The following PLCB4 variants were observed in gnomAD, a reference collection of about 807,000 sequenced individuals.
PLCB4 encodes 1-phosphatidylinositol 4,5-bisphosphate phosphodiesterase beta-4.
PLCB4 carries 77 observed loss-of-function variants against 178.8 expected under a neutral mutation model. The ratio of observed to expected loss-of-function variants is 0.43; its 90% CI spans 0.36 to 0.52. The LOEUF is 0.52. Among genes scored for constraint, PLCB4 ranks in the 20% least tolerant of loss-of-function variants. PLCB4 has a pLI of 0.00. For synonymous variants in PLCB4, 496 were observed against 490.8 expected (o/e 1.01, Z -0.14); for missense variants, 1,024 against 1,453.4 (o/e 0.70, Z 4.80).
chr20:9,284,356 A>G (rs2094519169), intron 3 of PLCB4, among the ~76,000 whole-genome samples: 1 of 152,002 alleles, frequency 6.6e-6, no homozygotes, highest in Non-Finnish European at 1.5e-5. Flanking sequence ...TATGAGGTAC[A>G]GGAGGAAGTC....
chr20:9,113,400 C>A (rs2091655625), intron 2 of PLCB4, among the ~76,000 whole-genome samples: 1 of 152,036 alleles, frequency 6.6e-6, no homozygotes, highest in African/African-American at 2.4e-5. Context: ...GCAGAAGTGC[C>A]CGCGGGATGT....
chr20:9,243,370 A>G (rs554941707), intron 3 of PLCB4, among the ~76,000 whole-genome samples: 1 of 152,342 alleles, frequency 6.6e-6, no homozygotes, highest in Admixed American at 6.5e-5. Context: ...AATTTATTTT[A>G]GAAAAAGGCA....
chr20:9,226,450 G>A (rs950381648), intron 3 of PLCB4, among the ~76,000 whole-genome samples: 3 of 152,174 alleles, frequency 2.0e-5, no homozygotes, highest in African/African-American at 4.8e-5. Context: ...TTTTAAATTT[G>A]TCACCTGGCT....
At chr20:9,434,959 T>C (rs1180926452) in intron 28 of PLCB4, among the ~76,000 whole-genome samples, 1 of 152,170 alleles carries the variant, frequency 6.6e-6, no homozygotes, top group Non-Finnish European at 1.5e-5. Flanking sequence ...AATCTTCAAA[T>C]GGCATTAATA....
intron 3 of PLCB4, among the ~76,000 whole-genome samples, chr20:9,285,764 T>C (rs754589320): frequency 2.0e-5 from 3 of 152,024 alleles, no homozygotes; most frequent in Non-Finnish European, 4.4e-5. Context: ...TTCTACTGTC[T>C]GGTAAACAAG....
intron 25 of PLCB4, among the ~76,000 whole-genome samples, chr20:9,414,842 C>T (rs2040131771): frequency 6.6e-6 from 1 of 152,174 alleles, no homozygotes; most frequent in Non-Finnish European, 1.5e-5. Flanking sequence ...TTTAGACTTT[C>T]ATAGGAAAGT....
chr20:9,354,274 C>T (rs1283467047), intron 7 of PLCB4, among the ~76,000 whole-genome samples: 1 of 152,090 alleles, frequency 6.6e-6, no homozygotes, highest in Non-Finnish European at 1.5e-5. Context: ...AGTTAGTTAG[C>T]GTTTGAAAAA....
At position 9,178,965 on chromosome 20, in the gene PLCB4, T is replaced by C. The variant is rs180983254; in HGVS notation, c.-78-38425T>C. ...ATTTAGGTATATCTAACAGCTATTA[T>C]GTTTAAATTGTCAACATTTAGAACA... On this transcript the variant is annotated intron_variant, in intron 2 of 39. Transcript: ENST00000378473. Among the ~76,000 whole-genome samples the C allele has an allele frequency of 2.6e-5, 4 of 152,360 alleles. No homozygotes were observed. In the East Asian group the frequency reaches 7.7e-4, roughly 29 times the overall value.
At chr20:9,226,525 TG>T (rs2093867663) in intron 3 of PLCB4, among the ~76,000 whole-genome samples, 1 of 152,196 alleles carries the variant, frequency 6.6e-6, no homozygotes, top group African/African-American at 2.4e-5. Context: ...TTGTCCCATC[TG>T]TAAAATGAGC....
At chr20:9,350,822 G>A (rs534791943) in intron 7 of PLCB4, among the ~76,000 whole-genome samples, 2 of 152,326 alleles carry the variant, frequency 1.3e-5, no homozygotes, top group Middle Eastern at 3.4e-3. Flanking sequence ...GCCTCCCAAA[G>A]TGTTGGGTTA....
At chr20:9,436,383 G>T (rs142481959) in intron 29 of PLCB4, among the ~76,000 whole-genome samples, 2 of 152,216 alleles carry the variant, frequency 1.3e-5, no homozygotes, top group Non-Finnish European at 2.9e-5. Context: ...ATAGGATCTC[G>T]CTCTGTTTCC....
chr20:9,175,280 G>C (rs1239884441), intron 2 of PLCB4, among the ~76,000 whole-genome samples: 1 of 152,108 alleles, frequency 6.6e-6, no homozygotes, highest in Non-Finnish European at 1.5e-5. Context: ...ACACTAGGGT[G>C]CTGGGGAGAA....
chr20:9,370,737 G>A (rs2327179), intron 9 of PLCB4, among the ~76,000 whole-genome samples: 8,595 of 151,760 alleles, frequency 0.057, 562 homozygotes, highest in East Asian at 0.18. Context: ...ATGAAACCCC[G>A]TCTCTACTAA....
chr20:9,333,360 G>A (rs1308653747), intron 4 of PLCB4, among the ~76,000 whole-genome samples: 1 of 152,080 alleles, frequency 6.6e-6, no homozygotes, highest in Non-Finnish European at 1.5e-5. Flanking sequence ...AAGGTCTGTA[G>A]AATGAAGAGG....
At chr20:9,193,202 C>CT (rs1197539635) in intron 2 of PLCB4, among the ~76,000 whole-genome samples, 1 of 152,160 alleles carries the variant, frequency 6.6e-6, no homozygotes, top group Non-Finnish European at 1.5e-5. Flanking sequence ...GTGCAAGTGA[C>CT]TTATTGGAAA....
intron 2 of PLCB4, among the ~76,000 whole-genome samples, chr20:9,195,899 C>T (rs973058847): frequency 8.5e-5 from 13 of 152,102 alleles, no homozygotes; most frequent in African/African-American, 1.2e-4. Flanking sequence ...ACTGTGGGGG[C>T]AAAACCATGC....
chr20:9,095,866 A>G (rs575156044), intron 1 of PLCB4, among the ~76,000 whole-genome samples: 157 of 152,256 alleles, frequency 1.0e-3, no homozygotes, highest in African/African-American at 3.7e-3. Flanking sequence ...GCCCATCACA[A>G]CCTTTTCACA....
At chr20:9,237,958 G>C (rs1407755355) in intron 3 of PLCB4, among the ~76,000 whole-genome samples, 1 of 152,124 alleles carries the variant, frequency 6.6e-6, no homozygotes, top group Non-Finnish European at 1.5e-5. Context: ...CTTTTCATTA[G>C]GAGAGGAATG....
intron 2 of PLCB4, among the ~76,000 whole-genome samples, chr20:9,144,263 T>C (rs1233753390): frequency 1.3e-5 from 2 of 152,086 alleles, no homozygotes; most frequent in African/African-American, 4.8e-5. Context: ...AACTACTGTG[T>C]TTCCTGGTAT....
Sources: allele counts gnomAD v4.1 joint callset (sites outside exome capture counted in the v4.1 genomes callset), GRCh38; gene constraint gnomAD v4.1.1; transcripts MANE v1.5; gene names NCBI Gene and HGNC (gene_info 2026-07-23, HGNC 2026-07-21).